The following GABBR2 variants were observed in gnomAD, a reference collection of about 807,000 sequenced individuals.
The protein encoded by GABBR2 is G-protein coupled receptor 51.
A neutral mutation model predicts 105.6 loss-of-function variants in GABBR2; 23 were observed. The ratio of observed to expected loss-of-function variants is 0.22; its 90% confidence interval spans 0.16 to 0.31. The LOEUF is 0.31. Ranked by LOEUF, GABBR2 falls within the 10% of genes least tolerant of loss-of-function variation. The pLI is 1.00. For synonymous variants in GABBR2, 478 were observed against 499.7 expected (o/e 0.96, Z 0.58); for missense variants, 734 against 1,245.5 (o/e 0.59, Z 6.18).
chr9:98,496,198 G>T, intron 4 of GABBR2: 1 of 581,992 alleles, frequency 1.7e-6, no homozygotes, highest in East Asian at 2.9e-5. Context: ...CTCAGTGGCT[G>T]TGCACCTGCA....
chr9:98,430,892 G>A (rs1297002191), intron 7 of GABBR2, among the ~76,000 whole-genome samples: 1 of 151,348 alleles, frequency 6.6e-6, no homozygotes, highest in Non-Finnish European at 1.5e-5. Flanking sequence ...TCTGCTGCTT[G>A]TAGCCCATGT....
intron 3 of GABBR2, among the ~76,000 whole-genome samples, chr9:98,508,728 C>A (rs2131692140): frequency 6.6e-6 from 1 of 152,068 alleles, no homozygotes; most frequent in South Asian, 2.1e-4. Context: ...GGGCGCCCGC[C>A]ACTGCTGAGT....
intron 13 of GABBR2, among the ~76,000 whole-genome samples, chr9:98,314,354 A>G (rs1214294467): frequency 6.6e-6 from 1 of 152,216 alleles, no homozygotes; most frequent in African/African-American, 2.4e-5. Context: ...AGTGTGTGAC[A>G]ATCAGGCCAA....
chr9:98,564,074 A>G, intron 2 of GABBR2, among the ~76,000 whole-genome samples: 1 of 152,188 alleles, frequency 6.6e-6, no homozygotes, highest in South Asian at 2.1e-4. Context: ...TAAAAGTGCT[A>G]TGTATGCATG....
At chr9:98,369,712 T>C (rs1055524714) in intron 12 of GABBR2, among the ~76,000 whole-genome samples, 1 of 151,884 alleles carries the variant, frequency 6.6e-6, no homozygotes, top group African/African-American at 2.4e-5. Flanking sequence ...GGCTCCATGT[T>C]CCACTGGGAT....
In GABBR2 at chr9:98,404,663, C is replaced by T. The variant is rs374335018; in HGVS notation, c.1297+1418G>A. On this transcript the variant is annotated intron_variant, in intron 8 of 18. Coordinates refer to ENST00000259455, the MANE Select transcript of GABBR2 (RefSeq NM_005458.8). ...CTGTACTGGTCTGCCTCAAGGAATG[C>T]CCAGCCCTGTTCCTCAAGGATGCTC... Among the ~76,000 whole-genome samples the T allele has an allele frequency of 3.2e-4, 49 of 152,208 alleles. 1 individual carries two copies. The highest frequency in any genetic ancestry group is 9.2e-4 in the African/African-American group (38 of 41,514).
In GABBR2 at chr9:98,288,417, T is replaced by G. The variant is rs1014190151; in HGVS notation, c.*2167A>C. On this transcript the variant is annotated 3_prime_UTR_variant, in exon 19 of 19. Coordinates refer to ENST00000259455, the MANE Select transcript of GABBR2 (RefSeq NM_005458.8). ...AAGACAGAGAATGTACTTCGTGAGT[T>G]AACCTAGAAGACAGCGCACGCTCAG... 4 of 152,598 alleles carry G rather than the reference T, an allele frequency of 2.6e-5. No homozygotes were observed. Among genetic ancestry groups the G allele is most frequent in the Non-Finnish European group, 5.9e-5 (4 of 68,026 alleles). 9.5% of individuals were successfully genotyped at this position (152,598 alleles called of 1,614,324 possible).
chr9:98,480,234 T>C (rs1295032781), intron 5 of GABBR2, among the ~76,000 whole-genome samples: 1 of 152,114 alleles, frequency 6.6e-6, no homozygotes, highest in East Asian at 1.9e-4. Flanking sequence ...AGCTGGGACA[T>C]CAAAATGGAA....
At chr9:98,467,915 A>G (rs932649355) in intron 6 of GABBR2, among the ~76,000 whole-genome samples, 1 of 152,256 alleles carries the variant, frequency 6.6e-6, no homozygotes, top group Admixed American at 6.5e-5. Context: ...AGCCAGAATT[A>G]TAAATGCTCA....
intron 1 of GABBR2, among the ~76,000 whole-genome samples, chr9:98,687,307 C>T (rs1233665614): frequency 6.6e-6 from 1 of 151,820 alleles, no homozygotes; most frequent in Non-Finnish European, 1.5e-5. Context: ...TCTGGCTGAA[C>T]CAACCGGACA....
chr9:98,633,388 C>T (rs1178368791), intron 1 of GABBR2, among the ~76,000 whole-genome samples: 1 of 152,080 alleles, frequency 6.6e-6, no homozygotes, highest in East Asian at 1.9e-4. Flanking sequence ...TTCGAGAGGC[C>T]AAGGCAGGAG....
intron 1 of GABBR2, among the ~76,000 whole-genome samples, chr9:98,643,730 G>T (rs979660922): frequency 1.3e-5 from 2 of 152,232 alleles, no homozygotes; most frequent in African/African-American, 4.8e-5. Context: ...CTAGGGCAGA[G>T]ATGGGCACAG....
intron 8 of GABBR2, among the ~76,000 whole-genome samples, chr9:98,398,992 T>C (rs1323336958): frequency 6.6e-6 from 1 of 152,154 alleles, no homozygotes; most frequent in African/African-American, 2.4e-5. Flanking sequence ...ACCCAGGTCA[T>C]ATGCAATAGG....
chr9:98,469,010 C>A lies in GABBR2; in HGVS notation c.999+4136G>T, dbSNP rs559232532. On this transcript the variant is annotated intron_variant, in intron 6 of 18. Transcript: ENST00000259455. ...TGATTGTATTAGATTTGTGGGGCTG[C>A]CAACAAGTTCCCACACACTGGGTGG... 1.5e-4 allele frequency among the ~76,000 whole-genome samples: 23 copies of A among 152,280 alleles called. No individual in the cohort carries two copies. The South Asian group carries it at 4.8e-3, about 32-fold the overall frequency.
At chr9:98,344,588 T>G (rs1831272780) in intron 13 of GABBR2, among the ~76,000 whole-genome samples, 1 of 152,160 alleles carries the variant, frequency 6.6e-6, no homozygotes. Context: ...CATTTGTGAA[T>G]GGCTCTCTCT....
rs1384209433 is a variant in GABBR2, at chr9:98,348,195, CT to C, written c.1893+14519del. Among the ~76,000 whole-genome samples, 8 of 152,162 alleles carry C rather than the reference CT, an allele frequency of 5.3e-5. No homozygotes were observed. The East Asian group carries it at 1.5e-3, about 29-fold the overall frequency. Reference sequence around the variant, plus strand: ...CAGCATCATTTATAAAGAAGGTGTCCTTTCCCCAGTATATGTTCTTGACACC... The same window carrying C: ...CAGCATCATTTATAAAGAAGGTGTCCTTCCCCAGTATATGTTCTTGACACC... On this transcript the variant is annotated intron_variant, in intron 13 of 18. Transcript: ENST00000259455.
chr9:98,371,482 AT>A lies in GABBR2; in HGVS notation c.1751del (p.Asn584MetfsTer2). ...KTWRVHAIFK[N>X]VKMKKKIIKD... ...TGATTACCTTCTTCTTCATTTTCACATTTTTGAAGATGGCGTGGACTCTCCA... is the reference window on the plus strand; with the variant it reads ...TGATTACCTTCTTCTTCATTTTCACATTTTGAAGATGGCGTGGACTCTCCA... On this transcript the variant is annotated frameshift_variant, in exon 12 of 19. Transcript: ENST00000259455. LOFTEE classifies it high-confidence loss of function. 6.3e-7 allele frequency: 1 copy of A among 1,592,582 alleles called. No individual in the cohort carries two copies. The highest frequency in any genetic ancestry group is 8.6e-7 in the Non-Finnish European group (1 of 1,160,428).
intron 1 of GABBR2, among the ~76,000 whole-genome samples, chr9:98,686,938 C>T (rs1830628125): frequency 1.3e-5 from 2 of 151,912 alleles, no homozygotes; most frequent in Admixed American, 1.3e-4. Context: ...CCCAGACCAC[C>T]CTCCCTCAGC....
At chr9:98,438,731 T>G (rs576585634) in intron 7 of GABBR2, among the ~76,000 whole-genome samples, 1 of 152,272 alleles carries the variant, frequency 6.6e-6, no homozygotes, top group South Asian at 2.1e-4. Context: ...TTTTTATTAC[T>G]GAAAACATGG....
Sources: gnomAD v4.1 joint callset for allele counts (sites outside exome capture counted in the v4.1 genomes callset) on GRCh38, gnomAD v4.1.1 for gene constraint, MANE v1.5 for transcripts, NCBI Gene and HGNC (gene_info 2026-07-23, HGNC 2026-07-21) for gene names.